TENM1: variants seen among roughly 807,000 people sequenced by gnomAD.
TENM1 encodes teneurin-1.
TENM1 carries 35 observed loss-of-function variants against 174.8 expected under a neutral mutation model. The observed-to-expected ratio is 0.20, with a 90% CI of 0.15 to 0.27. The LOEUF is 0.27. Ranked by LOEUF, TENM1 falls within the 10% of genes least tolerant of loss-of-function variation. The probability of loss-of-function intolerance (pLI) is 1.00; values close to 1 mark genes in which losing one functional copy is unlikely to be tolerated. For synonymous variants in TENM1, 781 were observed against 798.7 expected, an observed-to-expected ratio of 0.98 and a Z score of 0.37; for missense variants, 1,633 against 2,130.1, an observed-to-expected ratio of 0.77 and a Z score of 4.59.
intron 1 of TENM1, among the ~76,000 whole-genome samples, chrX:124,926,963 T>G (rs1317949577): frequency 8.9e-6 from 1 of 112,288 alleles, no homozygotes; most frequent in Non-Finnish European, 1.9e-5. Flanking sequence ...GCACTTGCAG[T>G]GCTCTGTGGA....
chrX:125,108,733 T>C, the TENM1 span, among the ~76,000 whole-genome samples: 12 of 90,666 alleles, frequency 1.3e-4, no homozygotes, highest in East Asian at 9.5e-4. Context: ...TATATATATA[T>C]ACACACACAC....
intron 23 of TENM1, among the ~76,000 whole-genome samples, chrX:124,432,571 G>A (rs2060792581): frequency 9.0e-6 from 1 of 111,388 alleles, no homozygotes; most frequent in Admixed American, 9.5e-5. Flanking sequence ...ACCACAACTA[G>A]CTATTTTTTT....
intron 20 of TENM1, among the ~76,000 whole-genome samples, chrX:124,489,193 CA>C (rs1025929845): frequency 2.7e-5 from 3 of 112,560 alleles, no homozygotes; most frequent in Non-Finnish European, 3.8e-5. Context: ...CACCACCTGG[CA>C]ATGGACCAAC....
intron 3 of TENM1, among the ~76,000 whole-genome samples, chrX:124,804,095 G>A (rs184169530): frequency 2.7e-5 from 3 of 112,029 alleles, no homozygotes; most frequent in African/African-American, 9.7e-5. Flanking sequence ...CCCCAGCTGA[G>A]TATAAAGAGG....
chrX:124,863,320 T>C (rs948609072), intron 3 of TENM1, among the ~76,000 whole-genome samples: 1 of 109,502 alleles, frequency 9.1e-6, no homozygotes, highest in Non-Finnish European at 1.9e-5. Context: ...GCTCTTGGGG[T>C]CCCCAGTTCC....
rs34194370 is a variant in TENM1, at chrX:124,404,952, TAAACAAACAAACAAAC to T, written c.5391+63_5391+78del. ...CTTCAGTTTAGGGAGGCTCTGCAGT[TAAACAAACAAACAAAC>T]AAACAAACAAACAAACAAAACACCT... On this transcript the variant is annotated intron_variant, in intron 27 of 31. Coordinates refer to ENST00000422452, the Ensembl canonical transcript of TENM1. 7.0e-4 allele frequency: 608 copies of T among 874,138 alleles called. 4 individuals are homozygous for T. In the East Asian group the frequency reaches 0.019, roughly 28 times the overall value. 72.0% of individuals were successfully genotyped at this position (874,138 alleles called of 1,213,427 possible).
intron 3 of TENM1, among the ~76,000 whole-genome samples, chrX:124,833,280 C>T (rs1284964112): frequency 1.8e-5 from 2 of 111,826 alleles, no homozygotes; most frequent in Non-Finnish European, 3.8e-5. Flanking sequence ...AAATCACCAC[C>T]ATACTTTCAA....
intron 10 of TENM1, among the ~76,000 whole-genome samples, chrX:124,642,527 CATTT>C (rs2051044562): frequency 8.9e-6 from 1 of 112,062 alleles, no homozygotes; most frequent in South Asian, 3.7e-4. Context: ...TATAATCTCT[CATTT>C]ATTCCTTAAA....
intron 11 of TENM1, among the ~76,000 whole-genome samples, chrX:124,617,540 TTGGAGG>T (rs1343385241): frequency 9.0e-6 from 1 of 111,719 alleles, no homozygotes; most frequent in Admixed American, 9.5e-5. Context: ...AGCCTCCGCC[TTGGAGG>T]TTGCCTTGTT....
chrX:124,572,864 G>T (rs181542316), intron 11 of TENM1, among the ~76,000 whole-genome samples: 1 of 110,853 alleles, frequency 9.0e-6, no homozygotes, highest in East Asian at 2.8e-4. Context: ...CACATAAAAA[G>T]ACCCAATCAA....
chrX:125,167,170 T>C, the TENM1 span, among the ~76,000 whole-genome samples: 5 of 111,867 alleles, frequency 4.5e-5, no homozygotes, highest in Non-Finnish European at 7.5e-5. Flanking sequence ...AATTGTGCAA[T>C]AGCCCATATG....
chrX:125,052,898 G>A, the TENM1 span, among the ~76,000 whole-genome samples: 1 of 111,754 alleles, frequency 8.9e-6, no homozygotes, highest in Non-Finnish European at 1.9e-5. Flanking sequence ...TTCTTCGTTT[G>A]ATTGAGGTAT....
the TENM1 span, among the ~76,000 whole-genome samples, chrX:125,193,879 C>A: frequency 4.5e-5 from 5 of 111,122 alleles, no homozygotes; most frequent in African/African-American, 1.3e-4. Flanking sequence ...ATCCCAGGCA[C>A]AAGCAAGCAA....
chrX:124,400,606 A>G (rs1207712364), intron 27 of TENM1, among the ~76,000 whole-genome samples: 1 of 112,031 alleles, frequency 8.9e-6, no homozygotes, highest in Non-Finnish European at 1.9e-5. Context: ...CTTTTAATAA[A>G]GGAGGCTGCA....
At chrX:124,607,853 G>A (rs1320155337) in intron 11 of TENM1, among the ~76,000 whole-genome samples, 1 of 111,399 alleles carries the variant, frequency 9.0e-6, no homozygotes, top group Non-Finnish European at 1.9e-5. Context: ...ACCAGGACAG[G>A]AGCAGTGTAG....
intron 3 of TENM1, among the ~76,000 whole-genome samples, chrX:124,786,239 T>TTTGTACAGG (rs2055033873): frequency 8.9e-6 from 1 of 111,842 alleles, no homozygotes; most frequent in South Asian, 3.7e-4. Flanking sequence ...AAGACACGAA[T>TTTGTACAGG]AAATAGGTAT....
At chrX:125,133,299 G>A in the TENM1 span, among the ~76,000 whole-genome samples, 1 of 111,836 alleles carries the variant, frequency 8.9e-6, no homozygotes, top group African/African-American at 3.3e-5. Flanking sequence ...ACCGTGTCCG[G>A]CCTTCTTACT....
Position 124,385,836 on chromosome X carries a change from G to A in TENM1, c.5917C>T (p.Arg1973Cys). The A allele has an allele frequency of 8.3e-7, 1 of 1,211,304 alleles. No individual in the cohort carries two copies. The highest frequency in any genetic ancestry group is 1.1e-6 in the Non-Finnish European group (1 of 895,158). The change falls in exon 29 of 32, where the codon CGC becomes TGC. Residue 1973 changes from arginine to cysteine, a missense_variant. This residue lies in a region of TENM1 where 807 missense variants were observed against 1,125.3 expected (regional missense o/e 0.72). Coordinates refer to ENST00000422452, the Ensembl canonical transcript of TENM1. ...TTGGTGTACTTGTATAAGACTCTGCGCCCTGTCCCCAGATGCAGGGTCTGT... is the reference window on the plus strand; with the variant it reads ...TTGGTGTACTTGTATAAGACTCTGCACCCTGTCCCCAGATGCAGGGTCTGT...
At chrX:125,061,410 C>T in the TENM1 span, among the ~76,000 whole-genome samples, 20 of 111,934 alleles carry the variant, frequency 1.8e-4, no homozygotes, top group East Asian at 3.7e-3. Flanking sequence ...CACTTAATTC[C>T]ACAAGGATTT....
Sources: gnomAD v4.1 joint callset for allele counts (sites outside exome capture counted in the v4.1 genomes callset) on GRCh38, gnomAD v4.1.1 for gene constraint, gnomAD v4.1.1 regional missense constraint, MANE v1.5 for transcripts, NCBI Gene and HGNC (gene_info 2026-07-23, HGNC 2026-07-21) for gene names.